SYMPK: variants seen among roughly 807,000 people sequenced by gnomAD.
The protein encoded by SYMPK is symplekin.
SYMPK carries 49 observed loss-of-function variants against 136.4 expected under a neutral mutation model. That is an observed-to-expected ratio of 0.36 (90% CI 0.29 to 0.46). The LOEUF (loss-of-function observed/expected upper bound fraction) is 0.46. Ranked by LOEUF, SYMPK falls within the 20% of genes least tolerant of loss-of-function variation. The pLI is 1.00. For missense variants in SYMPK, 1,365 were observed against 1,690.0 expected, an observed-to-expected ratio of 0.81 and a Z score of 3.37; for synonymous variants, 766 against 713.0, an observed-to-expected ratio of 1.07 and a Z score of -1.19.
rs770390937 is a variant in SYMPK at position 45,844,064 on chromosome 19, C to T, written c.813G>A (p.Met271Ile). ...TTTCATAGGCCTGGATCACCTCAGA[C>T]ATGAACATGGGTCTCTGGCGGGCGA... ...ANIARQRPMF[M>I]SEVIQAYETL... Residue 271 changes from methionine to isoleucine, a missense_variant, in exon 8 of 27, where the codon ATG (methionine) becomes ATA (isoleucine). Met to Ile is a conservative substitution (Grantham distance 10). This residue lies in a region of SYMPK where 237 missense variants were observed against 292.9 expected (regional missense o/e 0.81). Coordinates refer to ENST00000245934, the MANE Select transcript of SYMPK (RefSeq NM_004819.3). 2 of 1,595,118 alleles carry T rather than the reference C, an allele frequency of 1.3e-6. No individual in the cohort carries two copies. The highest frequency in any genetic ancestry group is 3.4e-5 in the Admixed American group (2 of 58,758).
chr19:45,818,181 G>T, intron 22 of SYMPK, 35 bp from the exon 23 acceptor site: 1 of 1,493,926 alleles, frequency 6.7e-7, no homozygotes, highest in South Asian at 1.3e-5. Flanking sequence ...TGTCCTCTCT[G>T]CCCAGCTGCC....
At chr19:45,834,953 AT>A (rs1971269571) in intron 11 of SYMPK, 124 bp downstream of exon 11, 1 of 880,828 alleles carries the variant, frequency 1.1e-6, no homozygotes, top group African/African-American at 1.7e-5. Context: ...GGTACCTGTC[AT>A]TATCTACACC....
intron 1 of SYMPK, among the ~76,000 whole-genome samples, chr19:45,856,179 C>T: frequency 6.6e-6 from 1 of 151,982 alleles, no homozygotes; most frequent in East Asian, 1.9e-4. Context: ...CATGGTGAAA[C>T]CCCATCTCTA....
chr19:45,827,481 G>A (rs748533692), intron 16 of SYMPK, 29 bp downstream of exon 16: 2 of 1,555,088 alleles, frequency 1.3e-6, no homozygotes, highest in South Asian at 2.2e-5. Context: ...GCAGGCTGAG[G>A]GCAGCCAGGA....
intron 22 of SYMPK, chr19:45,820,136 T>A (rs918217227): frequency 1.3e-5 from 2 of 152,272 alleles, no homozygotes; most frequent in African/African-American, 4.8e-5. Context: ...GGACCTAGGA[T>A]CCTCAGGGCT....
intron 7 of SYMPK, among the ~76,000 whole-genome samples, chr19:45,844,843 C>A (rs751755407): frequency 2.6e-4 from 40 of 152,098 alleles, no homozygotes; most frequent in Non-Finnish European, 5.3e-4. Flanking sequence ...TCTTTCCAGA[C>A]CTTTCCTATA....
chr19:45,854,051 G>T, intron 3 of SYMPK, 124 bp downstream of exon 3: 1 of 899,760 alleles, frequency 1.1e-6, no homozygotes, highest in Non-Finnish European at 1.8e-6. Flanking sequence ...CCTGCACTGA[G>T]CACTGTGGCC....
At chr19:45,820,345 G>A (rs1485990506) in intron 22 of SYMPK, 1 of 152,254 alleles carries the variant, frequency 6.6e-6, no homozygotes, top group Non-Finnish European at 1.5e-5. Flanking sequence ...GGTCTCCCAC[G>A]AGAGGCCTTG....
chr19:45,829,930 G>A lies in SYMPK; in HGVS notation c.1749+124C>T, dbSNP rs1030643982. Reference sequence around the variant, plus strand: ...GGAGTGATCTGGAGAAGCGGCTGTGGGCAGCAGAGCTGGGGTCCGCAGCCA... The same window carrying A: ...GGAGTGATCTGGAGAAGCGGCTGTGAGCAGCAGAGCTGGGGTCCGCAGCCA... On this transcript the variant is annotated intron_variant, in intron 13 of 26. Transcript: ENST00000245934. 7.1e-6 allele frequency: 8 copies of A among 1,133,464 alleles called. No homozygotes were observed. In the African/African-American group the frequency reaches 1.1e-4, roughly 16 times the overall value. The allele number at this position is 1,133,464 out of a possible 1,614,324, so 70.2% of individuals were successfully genotyped here. A position where few individuals can be genotyped will look rare whatever the true frequency, so the allele number is the denominator to read the frequency against.
intron 10 of SYMPK, among the ~76,000 whole-genome samples, chr19:45,835,921 G>GAAAGAAAA (rs544890469): frequency 2.1e-5 from 3 of 145,580 alleles, no homozygotes; most frequent in Non-Finnish European, 4.4e-5. Flanking sequence ...CATTCATAAA[G>GAAAGAAAA]AAAGAAAGAA....
chr19:45,815,414 C>T lies in SYMPK; in HGVS notation c.*146G>A. 3.0e-6 allele frequency: 3 copies of T among 985,416 alleles called. No homozygotes were observed. Among genetic ancestry groups the T allele is most frequent in the Non-Finnish European group, 4.1e-6 (3 of 728,338 alleles). The allele number at this position is 985,416 out of a possible 1,614,324, so 61.0% of individuals were successfully genotyped here. A position where few individuals can be genotyped will look rare whatever the true frequency, so the allele number is the denominator to read the frequency against. On this transcript the variant is annotated 3_prime_UTR_variant, in exon 27 of 27. Transcript: ENST00000245934. Reference sequence around the variant, plus strand: ...CGAGACGGCACCCGCGCCCCAGGCCCGCCATCCCTTTTTTTTTTTCTTTTC... The same window carrying T: ...CGAGACGGCACCCGCGCCCCAGGCCTGCCATCCCTTTTTTTTTTTCTTTTC...
chr19:45,857,739 C>T (rs1230996199), intron 1 of SYMPK, among the ~76,000 whole-genome samples: 1 of 151,874 alleles, frequency 6.6e-6, no homozygotes, highest in Non-Finnish European at 1.5e-5. Context: ...GATCCGCCCG[C>T]CTTGGCCTCC....
rs756022875 is a variant in SYMPK, at chr19:45,826,381, G to A, written c.2182-8C>T. 2 of 1,614,008 alleles carry A rather than the reference G, an allele frequency of 1.2e-6. No individual in the cohort carries two copies. The highest frequency in any genetic ancestry group is 1.1e-5 in the South Asian group (1 of 91,086). On this transcript the variant is annotated splice_polypyrimidine_tract_variant and splice_region_variant and intron_variant, in intron 16 of 26. Transcript: ENST00000245934. The stretch of plus-strand genomic sequence containing the variant: ...CAGGGCCTGGGAGCGCACCTGAGGA[G>A]GAAGATGGAGAAGGGCAGGGTCAGG...
At chr19:45,831,888 C>T (rs1297959151) in intron 11 of SYMPK, among the ~76,000 whole-genome samples, 2 of 150,914 alleles carry the variant, frequency 1.3e-5, no homozygotes, top group East Asian at 2.0e-4. Flanking sequence ...GGCTGGAGTA[C>T]GGTGGTGCAA....
intron 5 of SYMPK, among the ~76,000 whole-genome samples, chr19:45,850,226 C>CA (rs1971666893): frequency 6.6e-6 from 1 of 152,004 alleles, no homozygotes; most frequent in South Asian, 2.1e-4. Flanking sequence ...GTCTGGCCGA[C>CA]AGAGTGAGAT....
chr19:45,823,497 C>G (rs376714478), intron 19 of SYMPK, 25 bp from the exon 20 acceptor site: 5 of 1,608,078 alleles, frequency 3.1e-6, no homozygotes, highest in Non-Finnish European at 4.3e-6. Context: ...CAGGAGGCAC[C>G]AAGTTGGAGG....
intron 11 of SYMPK, among the ~76,000 whole-genome samples, chr19:45,832,654 G>A (rs1971208797): frequency 6.6e-6 from 1 of 152,018 alleles, no homozygotes; most frequent in Non-Finnish European, 1.5e-5. Flanking sequence ...TCATATGACA[G>A]AATACTACTG....
intron 9 of SYMPK, among the ~76,000 whole-genome samples, chr19:45,840,625 T>G (rs934646940): frequency 6.6e-6 from 1 of 151,504 alleles, no homozygotes; most frequent in Non-Finnish European, 1.5e-5. Flanking sequence ...ATCCCACCAC[T>G]GCACTCCAGC....
intron 11 of SYMPK, among the ~76,000 whole-genome samples, chr19:45,833,879 C>T (rs192653769): frequency 4.6e-5 from 7 of 152,302 alleles, no homozygotes; most frequent in South Asian, 4.1e-4. Context: ...AGGTCCAGTG[C>T]GGTGGCTCAC....
Sources: allele counts gnomAD v4.1 joint callset (sites outside exome capture counted in the v4.1 genomes callset), GRCh38; gene constraint gnomAD v4.1.1; regional missense constraint gnomAD v4.1.1; transcripts MANE v1.5; gene names NCBI Gene and HGNC (gene_info 2026-07-23, HGNC 2026-07-21).